The following DTNB variants were observed in gnomAD, a reference collection of about 807,000 sequenced individuals.
DTNB encodes the protein dystrobrevin beta.
In DTNB, 63 loss-of-function variants were observed where a neutral mutation model predicts 90.7. The observed-to-expected ratio is 0.69, with a 90% CI of 0.57 to 0.86. The LOEUF is 0.86. DTNB is among the 40% of genes least tolerant of loss of function. The pLI is 0.00. For missense variants in DTNB, 744 were observed against 807.1 expected (o/e 0.92, Z 0.95); for synonymous variants, 277 against 286.7 (o/e 0.97, Z 0.34).
At position 25,548,204 on chromosome 2, in the gene DTNB, C is replaced by G. The variant is rs1281918347; in HGVS notation, c.877-16607G>C. On this transcript the variant is annotated intron_variant, in intron 8 of 20. Coordinates refer to ENST00000406818, the MANE Select transcript of DTNB (RefSeq NM_021907.5). The stretch of plus-strand genomic sequence containing the variant: ...TCTTTCAGTTTCAGAGTACTGAAAT[C>G]TAGGTTCCTCTATTTTCAATCTTTT... Among the ~76,000 whole-genome samples the G allele has an allele frequency of 2.6e-5, 4 of 152,036 alleles. No homozygotes were observed. The East Asian group carries it at 7.7e-4, about 29-fold the overall frequency.
intron 9 of DTNB, among the ~76,000 whole-genome samples, chr2:25,504,291 G>GGAAAGAAAGAAGGAAA (rs1195528331): frequency 6.9e-6 from 1 of 144,828 alleles, no homozygotes; most frequent in Admixed American, 7.2e-5. Context: ...ATGGAAGGAA[G>GGAAAGAAAGAAGGAAA]GAAAGAAAGA....
chr2:25,454,967 T>C (rs983256857), intron 11 of DTNB, among the ~76,000 whole-genome samples: 18 of 152,238 alleles, frequency 1.2e-4, no homozygotes, highest in Admixed American at 5.2e-4. Flanking sequence ...AAAGATGTAA[T>C]AGGGTGACAG....
rs1376735459 is a variant in DTNB, at chr2:25,580,917, A to G, written c.604-91T>C. The G allele has an allele frequency of 2.9e-6, 3 of 1,043,392 alleles. No homozygotes were observed. The African/African-American group carries it at 4.8e-5, about 17-fold the overall frequency. 64.6% of individuals were successfully genotyped at this position (1,043,392 alleles called of 1,614,324 possible). ...TTAGGATTTTTCCCATCCAAACTTT[A>G]GTGAATTACACGGTAAATTTTATAG... On this transcript the variant is annotated intron_variant, in intron 6 of 20. Transcript: ENST00000406818.
chr2:25,411,116 T>C (rs1219224908), intron 16 of DTNB, among the ~76,000 whole-genome samples: 2 of 152,026 alleles, frequency 1.3e-5, no homozygotes, highest in Non-Finnish European at 2.9e-5. Flanking sequence ...CCCAGCACTT[T>C]GGGAGGTCGA....
intron 8 of DTNB, among the ~76,000 whole-genome samples, chr2:25,537,698 T>C (rs900290433): frequency 6.6e-6 from 1 of 152,188 alleles, no homozygotes; most frequent in African/African-American, 2.4e-5. Context: ...TATAACAAAG[T>C]CTCTAAGCAA....
chr2:25,477,167 C>T (rs886482255), intron 10 of DTNB, among the ~76,000 whole-genome samples: 51 of 152,136 alleles, frequency 3.4e-4, no homozygotes, highest in African/African-American at 1.1e-3. Flanking sequence ...AATTAAGGTA[C>T]ATACTTTTAA....
At chr2:25,559,644 T>C (rs1027517840) in intron 8 of DTNB, among the ~76,000 whole-genome samples, 2 of 152,202 alleles carry the variant, frequency 1.3e-5, no homozygotes, top group Non-Finnish European at 2.9e-5. Context: ...CCAAAAGATA[T>C]GTCCACATCC....
At chr2:25,478,584 G>A (rs976084948) in intron 10 of DTNB, among the ~76,000 whole-genome samples, 1 of 151,884 alleles carries the variant, frequency 6.6e-6, no homozygotes, top group Admixed American at 6.6e-5. Context: ...GAGTGCAGTG[G>A]CTATTCACGG....
intron 2 of DTNB, among the ~76,000 whole-genome samples, chr2:25,648,261 T>C (rs1369698922): frequency 1.3e-5 from 2 of 152,350 alleles, no homozygotes; most frequent in East Asian, 1.9e-4. Flanking sequence ...ATTCTTCTTT[T>C]AATAAATATT....
intron 9 of DTNB, among the ~76,000 whole-genome samples, chr2:25,503,966 T>C (rs2071548638): frequency 6.7e-6 from 1 of 148,376 alleles, no homozygotes; most frequent in Admixed American, 6.8e-5. Context: ...ATAAAAAATA[T>C]GTAGAAATAA....
chr2:25,574,319 T>G (rs1287270241), intron 8 of DTNB, among the ~76,000 whole-genome samples: 1 of 152,154 alleles, frequency 6.6e-6, no homozygotes, highest in Non-Finnish European at 1.5e-5. Flanking sequence ...AAATTTTGAA[T>G]GAAAGAATGA....
intron 6 of DTNB, among the ~76,000 whole-genome samples, chr2:25,588,225 T>G (rs2062825548): frequency 6.6e-6 from 1 of 152,168 alleles, no homozygotes; most frequent in South Asian, 2.1e-4. Context: ...GGTTGTTGCT[T>G]TGCAAAATAA....
chr2:25,582,259 A>G lies in DTNB; in HGVS notation c.604-1433T>C, dbSNP rs552853455. Among the ~76,000 whole-genome samples the G allele has an allele frequency of 3.3e-5, 5 of 152,240 alleles. No individual in the cohort carries two copies. The South Asian group carries it at 1.0e-3, about 32-fold the overall frequency. ...CTGTGATGCTTGGCCTGAAGGACGG[A>G]GGCCCCCAGGGATGCCATCAGACCA... is the stretch of plus-strand genomic sequence containing the variant. On this transcript the variant is annotated intron_variant, in intron 6 of 20. Coordinates refer to ENST00000406818, the MANE Select transcript of DTNB (RefSeq NM_021907.5).
chr2:25,571,318 A>T (rs1239623722), intron 8 of DTNB, among the ~76,000 whole-genome samples: 4 of 152,150 alleles, frequency 2.6e-5, no homozygotes, highest in African/African-American at 7.2e-5. Flanking sequence ...TGGCATCTAG[A>T]CTGACCATTT....
At chr2:25,562,291 T>C (rs1277205673) in intron 8 of DTNB, among the ~76,000 whole-genome samples, 1 of 152,048 alleles carries the variant, frequency 6.6e-6, no homozygotes, top group Non-Finnish European at 1.5e-5. Flanking sequence ...CTAATAGTAC[T>C]CCATTGTATT....
chr2:25,506,703 T>A (rs988926479), intron 9 of DTNB, among the ~76,000 whole-genome samples: 10 of 152,208 alleles, frequency 6.6e-5, no homozygotes, highest in African/African-American at 2.2e-4. Flanking sequence ...ATATTATGTA[T>A]CAATAAGAAT....
At chr2:25,440,279 C>T (rs908858134) in intron 12 of DTNB, among the ~76,000 whole-genome samples, 1 of 152,084 alleles carries the variant, frequency 6.6e-6, no homozygotes, top group Non-Finnish European at 1.5e-5. Context: ...AACAAATAAA[C>T]CAGTGAGATA....
chr2:25,536,794 G>A (rs1478883792), intron 8 of DTNB, among the ~76,000 whole-genome samples: 1 of 152,200 alleles, frequency 6.6e-6, no homozygotes, highest in African/African-American at 2.4e-5. Context: ...CCAGGCTGGA[G>A]TGCAGTGGGG....
chr2:25,425,694 C>T (rs1489453061), intron 15 of DTNB, among the ~76,000 whole-genome samples: 1 of 152,234 alleles, frequency 6.6e-6, no homozygotes, highest in African/African-American at 2.4e-5. Context: ...GTGATTTTCT[C>T]TGGCTGTTAA....
Sources: allele counts gnomAD v4.1 joint callset (sites outside exome capture counted in the v4.1 genomes callset), GRCh38; gene constraint gnomAD v4.1.1; transcripts MANE v1.5; gene names NCBI Gene and HGNC (gene_info 2026-07-23, HGNC 2026-07-21).